The following CTNND2 variants were observed in gnomAD, a reference collection of about 807,000 sequenced individuals.
CTNND2 encodes the protein catenin delta-2.
A neutral mutation model predicts 144.4 loss-of-function variants in CTNND2; 22 were observed. That is an observed-to-expected ratio of 0.15 (90% confidence interval 0.11 to 0.22). The LOEUF (loss-of-function observed/expected upper bound fraction) is 0.22. Ranked by LOEUF, CTNND2 falls within the 10% of genes least tolerant of loss-of-function variation. The pLI is 1.00. For missense variants in CTNND2, 1,353 were observed against 1,618.8 expected, an observed-to-expected ratio of 0.84 and a Z score of 2.82; for synonymous variants, 751 against 695.6, an observed-to-expected ratio of 1.08 and a Z score of -1.25.
chr5:11,521,916 C>G (rs1425177520), intron 3 of CTNND2, among the ~76,000 whole-genome samples: 1 of 152,162 alleles, frequency 6.6e-6, no homozygotes, highest in Non-Finnish European at 1.5e-5. Context: ...CCTCTCCTTT[C>G]TTGCCTTTTG....
At chr5:11,627,044 A>G (rs1267711063) in intron 2 of CTNND2, among the ~76,000 whole-genome samples, 2 of 152,170 alleles carry the variant, frequency 1.3e-5, no homozygotes, top group Non-Finnish European at 2.9e-5. Flanking sequence ...AGGTGTTAGG[A>G]AAGTGTTTGA....
intron 2 of CTNND2, among the ~76,000 whole-genome samples, chr5:11,627,240 C>T (rs1161071508): frequency 6.6e-6 from 1 of 152,190 alleles, no homozygotes; most frequent in Non-Finnish European, 1.5e-5. Context: ...AAATGCCCTT[C>T]TAATTCTCAT....
intron 12 of CTNND2, among the ~76,000 whole-genome samples, chr5:11,151,853 T>C (rs1179037607): frequency 6.6e-6 from 1 of 152,176 alleles, no homozygotes; most frequent in East Asian, 1.9e-4. Context: ...TGGGAAGAAA[T>C]TATCCCCAAT....
intron 2 of CTNND2, among the ~76,000 whole-genome samples, chr5:11,661,988 CACACACACACAA>C (rs1783232330): frequency 1.3e-5 from 2 of 150,522 alleles, no homozygotes; most frequent in African/African-American, 4.9e-5. Context: ...TGTATATATA[CACACACACACAA>C]ACACACACAT....
At chr5:11,325,581 T>C (rs1338780543) in intron 9 of CTNND2, among the ~76,000 whole-genome samples, 3 of 152,150 alleles carry the variant, frequency 2.0e-5, no homozygotes, top group Non-Finnish European at 4.4e-5. Flanking sequence ...GACAGGTCCA[T>C]ATCAATCTCT....
At chr5:11,846,995 G>T (rs1794766959) in intron 1 of CTNND2, among the ~76,000 whole-genome samples, 3 of 151,716 alleles carry the variant, frequency 2.0e-5, no homozygotes, top group Non-Finnish European at 2.9e-5. Flanking sequence ...TGGTAGGAAT[G>T]TAAATTAGTT....
intron 3 of CTNND2, among the ~76,000 whole-genome samples, chr5:11,450,487 C>A (rs946660770): frequency 5.3e-5 from 8 of 152,196 alleles, no homozygotes; most frequent in African/African-American, 1.9e-4. Flanking sequence ...GGAAGTGAGG[C>A]CAGCAGATCC....
chr5:11,051,142 T>C (rs1045469406), intron 16 of CTNND2, among the ~76,000 whole-genome samples: 2 of 152,182 alleles, frequency 1.3e-5, no homozygotes, highest in Admixed American at 1.3e-4. Context: ...TGAATTTCCT[T>C]CTCAAGGGTC....
At chr5:11,331,499 C>T (rs1193490599) in intron 9 of CTNND2, among the ~76,000 whole-genome samples, 2 of 151,996 alleles carry the variant, frequency 1.3e-5, no homozygotes, top group Admixed American at 6.6e-5. Context: ...TTTGGCAGGT[C>T]GCTTTCATTT....
intron 5 of CTNND2, among the ~76,000 whole-genome samples, chr5:11,409,534 T>C (rs532851606): frequency 1.3e-5 from 2 of 152,204 alleles, no homozygotes; most frequent in African/African-American, 4.8e-5. Flanking sequence ...TAATTTCTTT[T>C]ATTTTTAGTA....
At chr5:11,568,656 A>T (rs1035620683) in intron 2 of CTNND2, among the ~76,000 whole-genome samples, 2 of 152,204 alleles carry the variant, frequency 1.3e-5, no homozygotes, top group Admixed American at 6.5e-5. Flanking sequence ...AAGACACAGC[A>T]TTTTCACAAG....
chr5:11,257,566 G>A (rs2149946789), intron 9 of CTNND2, among the ~76,000 whole-genome samples: 1 of 152,238 alleles, frequency 6.6e-6, no homozygotes, highest in East Asian at 1.9e-4. Flanking sequence ...AAAACCATCA[G>A]ATCTCCTGAG....
At chr5:11,886,816 C>T (rs989402328) in intron 1 of CTNND2, among the ~76,000 whole-genome samples, 18 of 151,964 alleles carry the variant, frequency 1.2e-4, no homozygotes, top group African/African-American at 4.1e-4. Flanking sequence ...ATAGCATTCC[C>T]ACTCATTTGT....
At chr5:11,733,525 A>T (rs969824203) in intron 1 of CTNND2, among the ~76,000 whole-genome samples, 1 of 152,184 alleles carries the variant, frequency 6.6e-6, no homozygotes, top group Non-Finnish European at 1.5e-5. Flanking sequence ...CTCAAAAGAA[A>T]ATCTATCAGA....
chr5:11,036,584 C>T (rs1744096114), intron 16 of CTNND2, among the ~76,000 whole-genome samples: 1 of 152,146 alleles, frequency 6.6e-6, no homozygotes, highest in South Asian at 2.1e-4. Context: ...CCAAGCCTGG[C>T]TAATTTTTTG....
At chr5:11,745,003 A>G (rs560357937) in intron 1 of CTNND2, among the ~76,000 whole-genome samples, 15 of 152,196 alleles carry the variant, frequency 9.9e-5, no homozygotes, top group Middle Eastern at 3.4e-3. Context: ...AAGTACTGGG[A>G]TTACAGGCAT....
chr5:11,454,150 G>A (rs1392159875), intron 3 of CTNND2, among the ~76,000 whole-genome samples: 7 of 152,210 alleles, frequency 4.6e-5, no homozygotes, highest in Non-Finnish European at 2.9e-5. Context: ...GGGCCAACGC[G>A]GTGGCTCACG....
Position 11,170,564 on chromosome 5 carries a change from A to G in CTNND2, c.1976-10805T>C, listed in dbSNP as rs544993619. 1.1e-4 allele frequency among the ~76,000 whole-genome samples: 17 copies of G among 152,052 alleles called. No individual in the cohort carries two copies. In the South Asian group the frequency reaches 3.5e-3, roughly 32 times the overall value. ...TAATTCTGCCGACCTCTACTAAAAC[A>G]CACATACACACACATACACACACAC... On this transcript the variant is annotated intron_variant, in intron 11 of 21. Transcript: ENST00000304623.
At chr5:11,486,571 G>A (rs1768853888) in intron 3 of CTNND2, among the ~76,000 whole-genome samples, 1 of 151,766 alleles carries the variant, frequency 6.6e-6, no homozygotes. Context: ...ACAAAAGGAG[G>A]ACATTGGAGG....
Sources: allele counts gnomAD v4.1 joint callset (sites outside exome capture counted in the v4.1 genomes callset), GRCh38; gene constraint gnomAD v4.1.1; transcripts MANE v1.5; gene names NCBI Gene and HGNC (gene_info 2026-07-23, HGNC 2026-07-21).